Variants in FBLN5 observed in about 807,000 individuals in gnomAD.
FBLN5 encodes the protein fibulin 5, also known as fibulin-5.
FBLN5 carries 24 observed loss-of-function variants against 61.6 expected under a neutral mutation model. That is an observed-to-expected ratio of 0.39 (90% CI 0.28 to 0.55). FBLN5 has a LOEUF of 0.55. FBLN5 is among the 20% of genes least tolerant of loss of function. The pLI is 0.65. For synonymous variants in FBLN5, 213 were observed against 219.8 expected (o/e 0.97, Z 0.27); for missense variants, 470 against 594.1 (o/e 0.79, Z 2.17).
At chr14:91,871,308 T>G (rs1888916713) in intron 10 of FBLN5, among the ~76,000 whole-genome samples, 1 of 151,974 alleles carries the variant, frequency 6.6e-6, no homozygotes, top group African/African-American at 2.4e-5. Flanking sequence ...AGATTTTCTA[T>G]GTCAGTATAT....
At chr14:91,890,273 AAGG>A (rs1461785159) in intron 6 of FBLN5, among the ~76,000 whole-genome samples, 3 of 152,242 alleles carry the variant, frequency 2.0e-5, no homozygotes, top group African/African-American at 7.2e-5. Flanking sequence ...AATTAAAGTA[AAGG>A]AGACCTAATA....
chr14:91,947,368 G>C lies in FBLN5; in HGVS notation c.-139C>G, dbSNP rs554315938. On this transcript the variant is annotated 5_prime_UTR_variant, in exon 1 of 11. Coordinates refer to ENST00000342058, the MANE Select transcript of FBLN5 (RefSeq NM_006329.4). This position sits in a 1 kb window ranked among gnomAD's most constrained non-coding sequence, Gnocchi z 4.3. ...TTATTCCAGAGGGGCCGAGCGAGTCGTGGAGAGGACACGGGGAGAGCGCCG... is the reference window on the plus strand; with the variant it reads ...TTATTCCAGAGGGGCCGAGCGAGTCCTGGAGAGGACACGGGGAGAGCGCCG... 22 of 951,736 alleles carry C rather than the reference G, an allele frequency of 2.3e-5. No homozygotes were observed. The highest frequency in any genetic ancestry group is 8.2e-5 in the South Asian group (6 of 73,126). 59.0% of individuals were successfully genotyped at this position (951,736 alleles called of 1,614,324 possible).
At chr14:91,894,027 T>A (rs1442680640) in intron 5 of FBLN5, among the ~76,000 whole-genome samples, 1 of 152,206 alleles carries the variant, frequency 6.6e-6, no homozygotes, top group South Asian at 2.1e-4. Context: ...CTGGCCTGGA[T>A]ATAAACTTCG....
rs2056130820 is a variant in FBLN5, at chr14:91,943,025, C to T, written c.18-64G>A. On this transcript the variant is annotated intron_variant, in intron 1 of 10. Transcript: ENST00000342058. The surrounding 1 kb of genome is among the most constrained non-coding windows in gnomAD (Gnocchi z 4.0). ...GATTCAGGTCTAGGGGAGTGTGGGT[C>T]GCATGCGGCCCGTGACGTGTAACGG... The T allele has an allele frequency of 1.9e-5, 21 of 1,080,590 alleles. No homozygotes were observed. In the Middle Eastern group the frequency reaches 1.2e-3, roughly 63 times the overall value. 66.9% of individuals were successfully genotyped at this position (1,080,590 alleles called of 1,614,324 possible).
chr14:91,922,314 G>GTAAATAAATAAA (rs3031542), intron 4 of FBLN5, among the ~76,000 whole-genome samples: 106 of 143,544 alleles, frequency 7.4e-4, no homozygotes, highest in Admixed American at 2.5e-3. Context: ...TAATAATAAA[G>GTAAATAAATAAA]TAAATAAATA....
At chr14:91,929,599 C>G (rs1448397790) in intron 4 of FBLN5, among the ~76,000 whole-genome samples, 1 of 152,250 alleles carries the variant, frequency 6.6e-6, no homozygotes. Context: ...ACCATGCTAC[C>G]TCAATCTAGG....
In FBLN5 at chr14:91,929,377, G is replaced by C. The variant is rs186858032; in HGVS notation, c.379+7570C>G. Among the ~76,000 whole-genome samples, 35 of 152,228 alleles carry C rather than the reference G, an allele frequency of 2.3e-4. No homozygotes were observed. In the East Asian group the frequency reaches 5.2e-3, roughly 23 times the overall value. On this transcript the variant is annotated intron_variant, in intron 4 of 10. Transcript: ENST00000342058. ...AATGCTAAATCTCAATTCAAAGTTA[G>C]TGGGGAAAAATATGACGATAGATCC...
At chr14:91,914,507 A>C (rs571067141) in intron 4 of FBLN5, among the ~76,000 whole-genome samples, 9 of 149,524 alleles carry the variant, frequency 6.0e-5, no homozygotes, top group African/African-American at 2.2e-4. Flanking sequence ...AAAAACAACA[A>C]ATATTAGCTG....
chr14:91,901,028 G>C (rs1471374866), intron 4 of FBLN5, among the ~76,000 whole-genome samples: 4 of 152,206 alleles, frequency 2.6e-5, no homozygotes, highest in African/African-American at 9.6e-5. Flanking sequence ...CAAGAGGTAA[G>C]GAAAGCCAGG....
At chr14:91,920,440 A>G (rs1054414200) in intron 4 of FBLN5, among the ~76,000 whole-genome samples, 1 of 152,200 alleles carries the variant, frequency 6.6e-6, no homozygotes, top group African/African-American at 2.4e-5. Flanking sequence ...CGGAGAAGTG[A>G]CTTGCTCAAG....
Position 91,879,513 on chromosome 14 carries a change from A to G in FBLN5, c.989+1779T>C, listed in dbSNP as rs541083413. On this transcript the variant is annotated intron_variant, in intron 9 of 10. Coordinates refer to ENST00000342058, the MANE Select transcript of FBLN5 (RefSeq NM_006329.4). ...TTGTCAGCGTCATGCCAGAGACTCC[A>G]CCAGTAACTCCAGCTCAGTGCTGCA... Among the ~76,000 whole-genome samples, 3 of 152,288 alleles carry G rather than the reference A, an allele frequency of 2.0e-5. No homozygotes were observed. In the South Asian group the frequency reaches 6.2e-4, roughly 32 times the overall value.
At chr14:91,879,278 G>A (rs1889307877) in intron 9 of FBLN5, among the ~76,000 whole-genome samples, 5 of 152,156 alleles carry the variant, frequency 3.3e-5, no homozygotes, top group Admixed American at 3.3e-4. Context: ...GGGCAGGACT[G>A]GCTATGTGGA....
intron 4 of FBLN5, among the ~76,000 whole-genome samples, chr14:91,929,148 CTTGT>C (rs1307466519): frequency 3.8e-4 from 57 of 150,704 alleles, no homozygotes; most frequent in Middle Eastern, 6.8e-3. Context: ...GATATAGATA[CTTGT>C]TTATCAGTGC....
chr14:91,911,588 C>T (rs963244390), intron 4 of FBLN5, among the ~76,000 whole-genome samples: 11 of 152,168 alleles, frequency 7.2e-5, no homozygotes, highest in African/African-American at 1.9e-4. Context: ...GGTTCTAGTC[C>T]GGAACCTTCC....
Position 91,881,540 on chromosome 14 carries a change from A to G in FBLN5, c.863-122T>C, listed in dbSNP as rs866383577. ...CTATCCAATATGGCAGCAACAGGCC[A>G]TATGTGGCTACTGAGTACTTGGAAT... is the stretch of plus-strand genomic sequence containing the variant. On this transcript the variant is annotated intron_variant, in intron 8 of 10. Transcript: ENST00000342058. 149 of 1,048,618 alleles carry G rather than the reference A, an allele frequency of 1.4e-4. 1 individual carries two copies. The South Asian group carries it at 1.9e-3, about 13-fold the overall frequency. 65.0% of individuals were successfully genotyped at this position (1,048,618 alleles called of 1,614,324 possible). A position where few individuals can be genotyped will look rare whatever the true frequency, so the allele number is the denominator to read the frequency against.
In FBLN5 at chr14:91,947,094, A is replaced by C; in HGVS notation, c.17+119T>G. ...AACAATATCATTGCATCACTAGCTC[A>C]TGCCTTTTCCAATATCCTGACACCG... On this transcript the variant is annotated intron_variant, in intron 1 of 10. Coordinates refer to ENST00000342058, the MANE Select transcript of FBLN5 (RefSeq NM_006329.4). The surrounding 1 kb of genome is among the most constrained non-coding windows in gnomAD (Gnocchi z 4.3). The C allele has an allele frequency of 1.9e-6, 3 of 1,557,270 alleles. No homozygotes were observed. The highest frequency in any genetic ancestry group is 1.4e-5 in the African/African-American group (1 of 73,686).
At chr14:91,887,956 C>A (rs1405650069) in intron 6 of FBLN5, among the ~76,000 whole-genome samples, 6 of 152,066 alleles carry the variant, frequency 3.9e-5, no homozygotes, top group Non-Finnish European at 7.4e-5. Flanking sequence ...TTAATAAAAT[C>A]ATGGTGCAGT....
chr14:91,913,146 C>T (rs1361912061), intron 4 of FBLN5, among the ~76,000 whole-genome samples: 1 of 152,152 alleles, frequency 6.6e-6, no homozygotes, highest in African/African-American at 2.4e-5. Flanking sequence ...ACTACCCTGT[C>T]ATTATAAGTG....
intron 7 of FBLN5, among the ~76,000 whole-genome samples, 186 bp downstream of exon 7, chr14:91,887,007 C>A (rs530548431): frequency 6.6e-6 from 1 of 152,334 alleles, no homozygotes; most frequent in African/African-American, 2.4e-5. Context: ...TGAGACTCCA[C>A]CTCACCTTTT....
Sources: allele counts gnomAD v4.1 joint callset (sites outside exome capture counted in the v4.1 genomes callset), GRCh38; gene constraint gnomAD v4.1.1; non-coding constraint Gnocchi (gnomAD v3.1); transcripts MANE v1.5; gene names NCBI Gene and HGNC (gene_info 2026-07-23, HGNC 2026-07-21).